DDX60L: variants seen among roughly 807,000 people sequenced by gnomAD.
DDX60L encodes the protein probable ATP-dependent RNA helicase DDX60-like.
In DDX60L, 191 loss-of-function variants were observed where a neutral mutation model predicts 211.6. That is an observed-to-expected ratio of 0.90 (90% CI 0.80 to 1.02). The LOEUF is 1.02. DDX60L is among the 50% of genes least tolerant of loss of function. The pLI, the probability that DDX60L is intolerant of heterozygous loss-of-function variation, is 0.00. For synonymous variants in DDX60L, 706 were observed against 694.1 expected, an observed-to-expected ratio of 1.02 and a Z score of -0.27; for missense variants, 2,007 against 1,984.1, an observed-to-expected ratio of 1.01 and a Z score of -0.22.
intron 29 of DDX60L, among the ~76,000 whole-genome samples, chr4:168,391,260 C>A (rs1161438077): frequency 2.6e-5 from 4 of 152,138 alleles, no homozygotes; most frequent in Non-Finnish European, 5.9e-5. Flanking sequence ...AGAATCAGAA[C>A]AGCTGTACAT....
At chr4:168,446,402 C>T (rs1390099732) in intron 9 of DDX60L, among the ~76,000 whole-genome samples, 10 of 152,170 alleles carry the variant, frequency 6.6e-5, no homozygotes, top group Non-Finnish European at 1.5e-4. Flanking sequence ...AATGGAAGAA[C>T]ATTCCATGCT....
chr4:168,430,154 G>C lies in DDX60L; in HGVS notation c.1677+324C>G, dbSNP rs146758997. 5.9e-5 allele frequency among the ~76,000 whole-genome samples: 9 copies of C among 152,250 alleles called. No homozygotes were observed. The South Asian group carries it at 1.0e-3, about 18-fold the overall frequency. On this transcript the variant is annotated intron_variant, in intron 13 of 37. Coordinates refer to ENST00000682922, the MANE Select transcript of DDX60L (RefSeq NM_001012967.3). Reference sequence around the variant, plus strand: ...GCGGAGGTTGCAGTGAGCCAAGATCGTGTCACTGCACTTCAGCCTGGGCAA... The same window carrying C: ...GCGGAGGTTGCAGTGAGCCAAGATCCTGTCACTGCACTTCAGCCTGGGCAA...
intron 4 of DDX60L, among the ~76,000 whole-genome samples, chr4:168,462,578 C>A (rs1757456112): frequency 6.6e-6 from 1 of 152,050 alleles, no homozygotes; most frequent in Admixed American, 6.6e-5. Context: ...TTTAGGAGGC[C>A]GAGGTGGGTG....
At chr4:168,387,643 G>C (rs1183768876) in intron 29 of DDX60L, among the ~76,000 whole-genome samples, 3 of 152,180 alleles carry the variant, frequency 2.0e-5, no homozygotes, top group Non-Finnish European at 4.4e-5. Context: ...AAGGAAGAAG[G>C]ATGCTGGCTA....
At chr4:168,477,413 T>TAA (rs773326024) in intron 1 of DDX60L, among the ~76,000 whole-genome samples, 5 of 139,402 alleles carry the variant, frequency 3.6e-5, no homozygotes, top group Admixed American at 7.2e-5. Flanking sequence ...AGACTCTGTC[T>TAA]AAAAAAAAAA....
In DDX60L at chr4:168,480,375, A is replaced by C. The variant is rs1459126627; in HGVS notation, c.-111+2T>G. 6.6e-6 allele frequency: 1 copy of C among 151,054 alleles called. No homozygotes were observed. Among genetic ancestry groups the C allele is most frequent in the Non-Finnish European group, 1.5e-5 (1 of 67,944 alleles). 9.4% of individuals were successfully genotyped at this position (151,054 alleles called of 1,614,324 possible). ...ACACCCGACGTCACCCGCAATCCTC[A>C]CCCCGGCCGCCGAACCTGCTAGGTC... On this transcript the variant is annotated splice_donor_variant, in intron 1 of 37. Coordinates refer to ENST00000682922, the MANE Select transcript of DDX60L (RefSeq NM_001012967.3). LOFTEE classifies it low-confidence loss of function (5UTR_SPLICE).
At chr4:168,360,781 C>G (rs1738967820) in intron 37 of DDX60L, among the ~76,000 whole-genome samples, 1 of 152,200 alleles carries the variant, frequency 6.6e-6, no homozygotes, top group South Asian at 2.1e-4. Flanking sequence ...AACCAGAGAC[C>G]TACTGAAGTC....
chr4:168,368,487 A>G (rs994739429), intron 36 of DDX60L, among the ~76,000 whole-genome samples: 2 of 152,244 alleles, frequency 1.3e-5, no homozygotes, highest in Non-Finnish European at 1.5e-5. Context: ...GCCCCCATGG[A>G]GAACCTGTTC....
At chr4:168,396,748 T>A (rs1044630594) in intron 26 of DDX60L, among the ~76,000 whole-genome samples, 6 of 150,200 alleles carry the variant, frequency 4.0e-5, no homozygotes, top group Non-Finnish European at 5.9e-5. Context: ...CCGACATCTC[T>A]CTCCCAGGTA....
At chr4:168,472,598 G>T (rs1312402597) in intron 2 of DDX60L, 74 bp from the exon 3 acceptor site, 2 of 1,577,530 alleles carry the variant, frequency 1.3e-6, no homozygotes, top group Non-Finnish European at 1.7e-6. Flanking sequence ...TTAAGGAAAT[G>T]AAATATAGAC....
At chr4:168,469,368 C>G (rs1387679016) in intron 4 of DDX60L, 2 of 152,174 alleles carry the variant, frequency 1.3e-5, no homozygotes, top group Non-Finnish European at 2.9e-5. Flanking sequence ...ATTCACACCA[C>G]AAACACACAA....
At chr4:168,378,222 A>T (rs1218663628) in intron 33 of DDX60L, 132 bp downstream of exon 33, 1 of 485,736 alleles carries the variant, frequency 2.1e-6, no homozygotes, top group African/African-American at 2.0e-5. Flanking sequence ...AACTCTAATT[A>T]TGAAAAGACA....
At chr4:168,394,190 G>T (rs560596535) in intron 28 of DDX60L, among the ~76,000 whole-genome samples, 1 of 149,120 alleles carries the variant, frequency 6.7e-6, no homozygotes, top group African/African-American at 2.5e-5. Flanking sequence ...AGCGAGACTC[G>T]ATCTAATAAA....
chr4:168,367,469 A>G (rs1740191524), intron 36 of DDX60L, among the ~76,000 whole-genome samples: 1 of 152,218 alleles, frequency 6.6e-6, no homozygotes, highest in Non-Finnish European at 1.5e-5. Flanking sequence ...TCTAAGTCCA[A>G]TAAAACTTTT....
chr4:168,461,458 TA>T (rs1405324860), intron 5 of DDX60L, among the ~76,000 whole-genome samples: 1 of 152,162 alleles, frequency 6.6e-6, no homozygotes, highest in Non-Finnish European at 1.5e-5. Context: ...AATAGATAGA[TA>T]TAATAATGCT....
At chr4:168,435,727 C>G (rs1752945734) in intron 10 of DDX60L, among the ~76,000 whole-genome samples, 1 of 152,116 alleles carries the variant, frequency 6.6e-6, no homozygotes, top group East Asian at 1.9e-4. Context: ...ATAATTTAGC[C>G]CCCAGGGAAT....
chr4:168,361,353 C>A, intron 36 of DDX60L, 142 bp from the exon 37 acceptor site: 6 of 539,772 alleles, frequency 1.1e-5, no homozygotes, highest in South Asian at 2.9e-5. Context: ...TTGTATTAAT[C>A]ATAATGAAAT....
At chr4:168,420,682 T>TAGATAGATAGATAGAC (rs869089882) in intron 17 of DDX60L, among the ~76,000 whole-genome samples, 6 of 127,508 alleles carry the variant, frequency 4.7e-5, no homozygotes, top group African/African-American at 2.0e-4. Flanking sequence ...GATAGATAGA[T>TAGATAGATAGATAGAC]AGACAGACAG....
At chr4:168,425,328 T>C (rs140915015) in intron 14 of DDX60L, among the ~76,000 whole-genome samples, 177 of 152,310 alleles carry the variant, frequency 1.2e-3, no homozygotes, top group African/African-American at 4.0e-3. Context: ...CTGGCTTTGC[T>C]GGGAAGTAGA....
Sources: allele counts gnomAD v4.1 joint callset (sites outside exome capture counted in the v4.1 genomes callset), GRCh38; gene constraint gnomAD v4.1.1; transcripts MANE v1.5; gene names NCBI Gene and HGNC (gene_info 2026-07-23, HGNC 2026-07-21).